The following KCNT2 variants were observed in gnomAD, a reference collection of about 807,000 sequenced individuals.
The protein encoded by KCNT2 is potassium channel subfamily T member 2.
KCNT2 carries 67 observed loss-of-function variants against 153.8 expected under a neutral mutation model. That is an observed-to-expected ratio of 0.44 (90% CI 0.36 to 0.53). KCNT2 has a LOEUF of 0.53. Ranked by LOEUF, KCNT2 falls within the 20% of genes least tolerant of loss-of-function variation. KCNT2 has a pLI of 0.00. For missense variants in KCNT2, 975 were observed against 1,354.8 expected, an observed-to-expected ratio of 0.72 and a Z score of 4.40; for synonymous variants, 500 against 458.8, an observed-to-expected ratio of 1.09 and a Z score of -1.15.
chr1:196,429,291 A>G (rs1228508976), intron 9 of KCNT2, among the ~76,000 whole-genome samples: 2 of 152,002 alleles, frequency 1.3e-5, no homozygotes, highest in African/African-American at 2.4e-5. Context: ...ATGTTATTCT[A>G]TATTTAATAT....
chr1:196,549,086 A>G lies in KCNT2; in HGVS notation c.96-56745T>C, dbSNP rs1158207618. Among the ~76,000 whole-genome samples, 3 of 152,224 alleles carry G rather than the reference A, an allele frequency of 2.0e-5. No individual in the cohort carries two copies. The East Asian group carries it at 5.8e-4, about 30-fold the overall frequency. ...GAGTTAGTGGGTGCAGCGCACCAGCATGGCACATGTATACATATGTAACTA... is the reference window on the plus strand; with the variant it reads ...GAGTTAGTGGGTGCAGCGCACCAGCGTGGCACATGTATACATATGTAACTA... On this transcript the variant is annotated intron_variant, in intron 1 of 27. Transcript: ENST00000294725.
chr1:196,553,208 A>T (rs908047127), intron 1 of KCNT2, among the ~76,000 whole-genome samples: 1 of 151,224 alleles, frequency 6.6e-6, no homozygotes, highest in African/African-American at 2.4e-5. Flanking sequence ...AGATAGAAAA[A>T]TATATTCCAT....
intron 1 of KCNT2, among the ~76,000 whole-genome samples, chr1:196,601,978 A>T (rs1209447969): frequency 6.6e-6 from 1 of 152,116 alleles, no homozygotes; most frequent in Non-Finnish European, 1.5e-5. Context: ...TTAAATTACA[A>T]TTCAATTGCT....
At chr1:196,360,690 A>T (rs1036058962) in intron 14 of KCNT2, among the ~76,000 whole-genome samples, 1 of 152,054 alleles carries the variant, frequency 6.6e-6, no homozygotes, top group African/African-American at 2.4e-5. Context: ...CAACAGAGGA[A>T]ACCCCATGTG....
intron 25 of KCNT2, among the ~76,000 whole-genome samples, chr1:196,273,164 C>T (rs1375252124): frequency 5.9e-5 from 9 of 151,720 alleles, no homozygotes; most frequent in Admixed American, 5.3e-4. Context: ...GTTTTCTAAT[C>T]ACTTTAAAAA....
At chr1:196,294,075 T>C (rs1172981593) in intron 22 of KCNT2, among the ~76,000 whole-genome samples, 2 of 151,898 alleles carry the variant, frequency 1.3e-5, no homozygotes, top group African/African-American at 4.8e-5. Flanking sequence ...AGAACATATA[T>C]AACCGGCCAA....
intron 25 of KCNT2, among the ~76,000 whole-genome samples, chr1:196,280,298 T>A (rs997348388): frequency 6.6e-6 from 1 of 152,220 alleles, no homozygotes; most frequent in East Asian, 1.9e-4. Context: ...CCTTCCATAC[T>A]AACAAGATCA....
chr1:196,486,448 G>T lies in KCNT2; in HGVS notation c.275+3390C>A, dbSNP rs75573585. Reference sequence around the variant, plus strand: ...AAAGGAACCATACCAAACAATAGAAGGAAAAGCAAAAGTTAAATATAGGAA... The same window carrying T: ...AAAGGAACCATACCAAACAATAGAATGAAAAGCAAAAGTTAAATATAGGAA... On this transcript the variant is annotated intron_variant, in intron 3 of 27. Transcript: ENST00000294725. 5.7e-4 allele frequency among the ~76,000 whole-genome samples: 86 copies of T among 151,876 alleles called. No homozygotes were observed. The East Asian group carries it at 0.016, about 29-fold the overall frequency.
Position 196,489,906 on chromosome 1 carries a change from G to A in KCNT2, c.207C>T (p.Leu69=), listed in dbSNP as rs1679730829. Residue 69 remains leucine, a synonymous_variant, in exon 3 of 28, where the codon CTC becomes CTT. Transcript: ENST00000294725. ...SLRIRLFNFS[L]KLLSCLLYII... ...TGTATAATAAGCAGCTTAGTAATTTGAGAGAAAAATTGAACAGGCGTATCC... is the reference window on the plus strand; with the variant it reads ...TGTATAATAAGCAGCTTAGTAATTTAAGAGAAAAATTGAACAGGCGTATCC... 1 of 1,585,114 alleles carries A rather than the reference G, an allele frequency of 6.3e-7. No homozygotes were observed. Among genetic ancestry groups the A allele is most frequent in the Non-Finnish European group, 8.6e-7 (1 of 1,166,234 alleles).
At chr1:196,439,305 A>T (rs1444056336) in intron 8 of KCNT2, among the ~76,000 whole-genome samples, 1 of 151,954 alleles carries the variant, frequency 6.6e-6, no homozygotes, top group Admixed American at 6.6e-5. Flanking sequence ...AATTATGAAT[A>T]CTATAGAACA....
intron 16 of KCNT2, among the ~76,000 whole-genome samples, chr1:196,338,588 C>CT (rs1665264217): frequency 6.6e-6 from 1 of 151,854 alleles, no homozygotes; most frequent in South Asian, 2.1e-4. Context: ...AGAATTTAGA[C>CT]TTTTTTTTCC....
intron 8 of KCNT2, among the ~76,000 whole-genome samples, chr1:196,442,923 A>C (rs551884895): frequency 1.3e-5 from 2 of 151,826 alleles, no homozygotes; most frequent in South Asian, 4.2e-4. Context: ...ATGGTTTGGA[A>C]TAGAGCCAGA....
chr1:196,352,932 T>C (rs1205435356), intron 14 of KCNT2, among the ~76,000 whole-genome samples: 1 of 152,168 alleles, frequency 6.6e-6, no homozygotes, highest in African/African-American at 2.4e-5. Context: ...AAAGAACATC[T>C]TTATTTCTGC....
intron 1 of KCNT2, among the ~76,000 whole-genome samples, chr1:196,558,890 T>C (rs944614497): frequency 2.0e-5 from 3 of 151,588 alleles, no homozygotes; most frequent in African/African-American, 7.2e-5. Flanking sequence ...CACAAGTTTA[T>C]ATAAACTTTT....
chr1:196,492,436 T>C, intron 1 of KCNT2, 95 bp from the exon 2 acceptor site: 1 of 927,266 alleles, frequency 1.1e-6, no homozygotes, highest in Non-Finnish European at 1.4e-6. Flanking sequence ...TGTAGTTCTC[T>C]AACTTAAAGA....
intron 5 of KCNT2, among the ~76,000 whole-genome samples, chr1:196,470,588 A>C (rs1276602278): frequency 6.6e-6 from 1 of 152,118 alleles, no homozygotes; most frequent in Admixed American, 6.5e-5. Context: ...TAGGCCACAA[A>C]AGCTTTACAT....
chr1:196,589,311 T>A (rs946257647), intron 1 of KCNT2, among the ~76,000 whole-genome samples: 28 of 151,912 alleles, frequency 1.8e-4, no homozygotes, highest in African/African-American at 6.3e-4. Flanking sequence ...TTTTACATGT[T>A]CTTCTTTTAA....
chr1:196,532,558 T>C (rs1298066467), intron 1 of KCNT2, among the ~76,000 whole-genome samples: 44 of 151,744 alleles, frequency 2.9e-4, no homozygotes, highest in Non-Finnish European at 4.4e-5. Flanking sequence ...TCACACCTAG[T>C]TTAATTCTAT....
intron 3 of KCNT2, among the ~76,000 whole-genome samples, chr1:196,483,241 T>G (rs1003709062): frequency 1.3e-5 from 2 of 152,206 alleles, no homozygotes; most frequent in Non-Finnish European, 2.9e-5. Flanking sequence ...CTGTAAATAC[T>G]AAATTCACTA....
Sources: allele counts gnomAD v4.1 joint callset (sites outside exome capture counted in the v4.1 genomes callset), GRCh38; gene constraint gnomAD v4.1.1; transcripts MANE v1.5; gene names NCBI Gene and HGNC (gene_info 2026-07-23, HGNC 2026-07-21).